Variants in PTPRM observed in about 807,000 individuals in gnomAD.
The protein encoded by PTPRM is receptor-type tyrosine-protein phosphatase mu.
A neutral mutation model predicts 186.7 loss-of-function variants in PTPRM; 47 were observed. The ratio of observed to expected loss-of-function variants is 0.25; its 90% confidence interval spans 0.20 to 0.32. The LOEUF (loss-of-function observed/expected upper bound fraction) is 0.32, where lower values mean the gene tolerates loss of function less well. Ranked by LOEUF, PTPRM falls within the 10% of genes least tolerant of loss-of-function variation. The pLI, the probability that PTPRM is intolerant of heterozygous loss-of-function variation, is 1.00. For synonymous variants in PTPRM, 668 were observed against 674.9 expected (o/e 0.99, Z 0.16); for missense variants, 1,494 against 1,865.0 (o/e 0.80, Z 3.66).
intron 13 of PTPRM, among the ~76,000 whole-genome samples, chr18:8,136,254 G>T (rs1034692978): frequency 6.6e-6 from 1 of 152,074 alleles, no homozygotes; most frequent in Non-Finnish European, 1.5e-5. Context: ...ACTTATTATT[G>T]ACAGTTTGTT....
chr18:8,122,010 G>A (rs1355538017), intron 13 of PTPRM: 4 of 151,616 alleles, frequency 2.6e-5, no homozygotes, highest in African/African-American at 7.3e-5. Context: ...TTGCAACTGT[G>A]TCATAGTTAG....
At chr18:8,300,132 A>ATAATAGAT (rs1440404152) in intron 20 of PTPRM, among the ~76,000 whole-genome samples, 1 of 152,210 alleles carries the variant, frequency 6.6e-6, no homozygotes, top group Non-Finnish European at 1.5e-5. Context: ...CATGCATGAA[A>ATAATAGAT]TAATAGATCT....
intron 4 of PTPRM, among the ~76,000 whole-genome samples, chr18:7,907,887 TTC>T (rs1212275438): frequency 6.7e-6 from 1 of 148,168 alleles, no homozygotes; most frequent in Non-Finnish European, 1.5e-5. Context: ...TTTCTCTGTA[TTC>T]TTTTTTTTTT....
At chr18:7,631,304 T>C (rs2038185713) in intron 1 of PTPRM, among the ~76,000 whole-genome samples, 1 of 152,218 alleles carries the variant, frequency 6.6e-6, no homozygotes, top group African/African-American at 2.4e-5. Flanking sequence ...TGCTAATTTC[T>C]TTTTTGTTTT....
intron 7 of PTPRM, among the ~76,000 whole-genome samples, chr18:7,986,527 A>G (rs1250140435): frequency 1.3e-5 from 2 of 152,188 alleles, no homozygotes; most frequent in Admixed American, 6.5e-5. Context: ...GACATGGAGA[A>G]CAGTACATGC....
At chr18:7,795,649 T>C (rs1461420204) in intron 2 of PTPRM, among the ~76,000 whole-genome samples, 3 of 152,124 alleles carry the variant, frequency 2.0e-5, no homozygotes, top group Non-Finnish European at 2.9e-5. Context: ...TCTGCCTTCC[T>C]ATTGGTACTT....
intron 7 of PTPRM, among the ~76,000 whole-genome samples, chr18:7,994,291 CA>C (rs2083419499): frequency 6.7e-6 from 1 of 148,582 alleles, no homozygotes; most frequent in East Asian, 2.0e-4. Context: ...CACACACACA[CA>C]CACACCTAAC....
intron 11 of PTPRM, among the ~76,000 whole-genome samples, chr18:8,097,780 A>G (rs1438671385): frequency 6.6e-6 from 1 of 152,166 alleles, no homozygotes; most frequent in Non-Finnish European, 1.5e-5. Flanking sequence ...GCCTAAGATA[A>G]GAGAAGTTAA....
chr18:8,022,517 A>G (rs1185193441), intron 7 of PTPRM, among the ~76,000 whole-genome samples: 2 of 152,188 alleles, frequency 1.3e-5, no homozygotes, highest in Admixed American at 1.3e-4. Context: ...GTGAATCTGA[A>G]TCTTGAAGGG....
At chr18:7,918,644 G>C (rs947175290) in intron 4 of PTPRM, among the ~76,000 whole-genome samples, 1 of 152,046 alleles carries the variant, frequency 6.6e-6, no homozygotes, top group Non-Finnish European at 1.5e-5. Context: ...TTTTAAATTG[G>C]ACTATTTGTA....
At chr18:8,123,951 T>C (rs913636802) in intron 13 of PTPRM, among the ~76,000 whole-genome samples, 1 of 152,196 alleles carries the variant, frequency 6.6e-6, no homozygotes, top group Non-Finnish European at 1.5e-5. Context: ...TAACTTCAGA[T>C]GAAGCATGCT....
At chr18:7,573,572 T>A (rs1179793582) in intron 1 of PTPRM, among the ~76,000 whole-genome samples, 2 of 149,112 alleles carry the variant, frequency 1.3e-5, no homozygotes, top group African/African-American at 5.0e-5. Context: ...AGGAGGTTTT[T>A]GTTTTGTTTT....
chr18:8,357,188 T>A (rs539721022), intron 23 of PTPRM, among the ~76,000 whole-genome samples: 1 of 152,356 alleles, frequency 6.6e-6, no homozygotes, highest in South Asian at 2.1e-4. Context: ...CTGCACTGTT[T>A]TCACATGAAT....
chr18:8,194,917 G>T (rs549540784), intron 14 of PTPRM, among the ~76,000 whole-genome samples: 1 of 152,220 alleles, frequency 6.6e-6, no homozygotes, highest in East Asian at 1.9e-4. Flanking sequence ...TAAGGATTGG[G>T]CATACAAACG....
intron 2 of PTPRM, among the ~76,000 whole-genome samples, chr18:7,800,601 G>T (rs1272756582): frequency 6.6e-6 from 1 of 152,186 alleles, no homozygotes; most frequent in African/African-American, 2.4e-5. Flanking sequence ...AATTGAATAA[G>T]AATTTTCAAA....
At chr18:7,586,688 A>G (rs1385531702) in intron 1 of PTPRM, among the ~76,000 whole-genome samples, 2 of 152,202 alleles carry the variant, frequency 1.3e-5, no homozygotes, top group Non-Finnish European at 2.9e-5. Context: ...ATAAACATTT[A>G]AAAACAGAAT....
intron 7 of PTPRM, among the ~76,000 whole-genome samples, chr18:8,053,448 T>C (rs978513983): frequency 6.6e-6 from 1 of 152,122 alleles, no homozygotes; most frequent in African/African-American, 2.4e-5. Flanking sequence ...CTAGCACCAC[T>C]TGTGTTTCCC....
intron 2 of PTPRM, among the ~76,000 whole-genome samples, chr18:7,800,277 G>A (rs1397770598): frequency 6.6e-6 from 1 of 152,160 alleles, no homozygotes; most frequent in Non-Finnish European, 1.5e-5. Context: ...TAACAGCCAT[G>A]CATTGCTTAA....
rs1173507061 is a variant in PTPRM at position 8,375,995 on chromosome 18, G to T, written c.3172-51G>T. 7.7e-6 allele frequency: 12 copies of T among 1,548,912 alleles called. No homozygotes were observed. The South Asian group carries it at 1.4e-4, about 18-fold the overall frequency. On this transcript the variant is annotated intron_variant, in intron 24 of 32. Coordinates refer to ENST00000580170, the MANE Select transcript of PTPRM (RefSeq NM_001105244.2). ...CCCCCAGCTATCCCTGCTTATTTGT[G>T]GTTTGTTTTCCCTTGTTCTCTTCCT...
Sources: allele counts gnomAD v4.1 joint callset (sites outside exome capture counted in the v4.1 genomes callset), GRCh38; gene constraint gnomAD v4.1.1; transcripts MANE v1.5; gene names NCBI Gene and HGNC (gene_info 2026-07-23, HGNC 2026-07-21).